Variants in SMARCC2 observed in about 807,000 individuals in gnomAD.
SMARCC2 encodes SWI/SNF complex subunit SMARCC2.
SMARCC2 carries 15 observed loss-of-function variants against 151.3 expected under a neutral mutation model. The observed-to-expected ratio is 0.10, with a 90% CI of 0.07 to 0.15. The LOEUF is 0.15. Ranked by LOEUF, SMARCC2 falls within the 10% of genes least tolerant of loss-of-function variation. SMARCC2 has a pLI of 1.00. For missense variants in SMARCC2, 1,031 were observed against 1,599.7 expected (o/e 0.64, Z 6.06); for synonymous variants, 590 against 609.5 (o/e 0.97, Z 0.47).
At chr12:56,180,274 A>G (rs1484859852) in intron 11 of SMARCC2, among the ~76,000 whole-genome samples, 2 of 149,906 alleles carry the variant, frequency 1.3e-5, no homozygotes, top group African/African-American at 4.9e-5. Context: ...ACGCTCAGCT[A>G]ATTTTTTTGT....
At chr12:56,178,206 G>A in intron 14 of SMARCC2, 113 bp from the exon 15 acceptor site, 1 of 1,008,036 alleles carries the variant, frequency 9.9e-7, no homozygotes, top group Non-Finnish European at 1.5e-6. Context: ...AATTGCTGAA[G>A]TTAGAAGCTT....
intron 11 of SMARCC2, among the ~76,000 whole-genome samples, chr12:56,180,266 G>A (rs1262645112): frequency 1.3e-5 from 2 of 150,912 alleles, no homozygotes. Context: ...CCGCCACCAC[G>A]CTCAGCTAAT....
At chr12:56,182,103 A>G (rs752497741) in intron 7 of SMARCC2, 24 bp from the exon 8 acceptor site, 48 of 1,546,352 alleles carry the variant, frequency 3.1e-5, no homozygotes, top group Middle Eastern at 1.7e-4. Flanking sequence ...TTGAGCACAC[A>G]GTAGAATCAA....
At chr12:56,172,364 G>A in intron 20 of SMARCC2, 64 bp downstream of exon 20, 1 of 1,425,076 alleles carries the variant, frequency 7.0e-7, no homozygotes, top group South Asian at 1.4e-5. Context: ...TTACAGGCGT[G>A]AGCCTCTACA....
chr12:56,187,785 T>C (rs1432419902), intron 1 of SMARCC2, among the ~76,000 whole-genome samples: 1 of 152,184 alleles, frequency 6.6e-6, no homozygotes, highest in African/African-American at 2.4e-5. Context: ...GAGGGCAAGT[T>C]GACTGAGTGA....
chr12:56,185,996 T>C (rs930123265), intron 3 of SMARCC2, 159 bp downstream of exon 3: 4 of 631,824 alleles, frequency 6.3e-6, no homozygotes, highest in East Asian at 2.6e-5. Context: ...CTGTTTTGGC[T>C]CTGACTCCCA....
chr12:56,166,318 T>A (rs988708013), intron 26 of SMARCC2, among the ~76,000 whole-genome samples: 1 of 151,990 alleles, frequency 6.6e-6, no homozygotes, highest in Non-Finnish European at 1.5e-5. Flanking sequence ...ATTTTTTGTA[T>A]TTTTTTATTC....
chr12:56,172,840 G>A, intron 18 of SMARCC2, 97 bp downstream of exon 18: 1 of 1,558,768 alleles, frequency 6.4e-7, no homozygotes, highest in Non-Finnish European at 8.8e-7. Flanking sequence ...CTCCCTTACT[G>A]CTGTAGTTCC....
intron 28 of SMARCC2, 82 bp downstream of exon 28, chr12:56,164,221 A>G: frequency 7.9e-7 from 1 of 1,260,268 alleles, no homozygotes; most frequent in South Asian, 1.3e-5. Flanking sequence ...CTAATACCTG[A>G]CCTCTTCCCC....
At chr12:56,169,449 G>T in intron 25 of SMARCC2, 80 bp downstream of exon 25, 1 of 1,493,856 alleles carries the variant, frequency 6.7e-7, no homozygotes, top group Non-Finnish European at 9.1e-7. Context: ...AGGTGTGAGT[G>T]AGGAAAGATT....
chr12:56,185,936 C>G lies in SMARCC2; in HGVS notation c.317+219G>C, dbSNP rs539991831. ...GTTTGAGATGCCAACCTAAGAATCC[C>G]TTTTCCTCTACAAAACACACAGTGA... is the stretch of plus-strand genomic sequence containing the variant. On this transcript the variant is annotated intron_variant, in intron 3 of 28. Coordinates refer to ENST00000550164, the MANE Select transcript of SMARCC2 (RefSeq NM_001330288.2). The G allele has an allele frequency of 4.2e-5, 23 of 541,182 alleles. 1 individual carries two copies. The highest frequency in any genetic ancestry group is 4.8e-4 in the Middle Eastern group (1 of 2,062). 33.5% of individuals were successfully genotyped at this position (541,182 alleles called of 1,614,324 possible). A position where few individuals can be genotyped will look rare whatever the true frequency, so the allele number is the denominator to read the frequency against.
In SMARCC2 at chr12:56,184,850, T is replaced by C. The variant is rs760319246; in HGVS notation, c.486A>G (p.Arg162=). 1 of 1,597,196 alleles carries C rather than the reference T, an allele frequency of 6.3e-7. No homozygotes were observed. Among genetic ancestry groups the C allele is most frequent in the South Asian group, 1.1e-5 (1 of 90,718 alleles). ...LLGKLKDIIK[R]HQGTVTEDKN... Reference sequence around the variant, plus strand: ...TCCTCACCAGACCATTTACCTGGTGTCTCTTGATAATGTCCTTTAATTTCC... The same window carrying C: ...TCCTCACCAGACCATTTACCTGGTGCCTCTTGATAATGTCCTTTAATTTCC... Residue 162 remains arginine (R), a synonymous_variant, in exon 5 of 29, where the codon AGA becomes AGG. Coordinates refer to ENST00000550164, the MANE Select transcript of SMARCC2 (RefSeq NM_001330288.2).
intron 25 of SMARCC2, 129 bp downstream of exon 25, chr12:56,169,400 T>G: frequency 4.2e-5 from 49 of 1,176,580 alleles, no homozygotes; most frequent in Non-Finnish European, 4.9e-5. Context: ...TACCTCCTCC[T>G]GAGATAAAAA....
intron 15 of SMARCC2, among the ~76,000 whole-genome samples, chr12:56,177,392 G>A (rs1453000975): frequency 3.9e-5 from 6 of 152,128 alleles, no homozygotes; most frequent in Non-Finnish European, 8.8e-5. Context: ...CCACAGGTAT[G>A]CCCCACCAGG....
intron 26 of SMARCC2, 131 bp downstream of exon 26, chr12:56,167,929 T>C: frequency 9.7e-7 from 1 of 1,031,166 alleles, no homozygotes; most frequent in Non-Finnish European, 1.4e-6. Context: ...TTCCCCACTG[T>C]TGCTTATCTC....
chr12:56,163,662 G>C lies in SMARCC2; in HGVS notation c.*27C>G. ...TGGAACCGTGATGTCCACAGGGGGT[G>C]AGGGGGAGAGATGTCTGGCTGGCTC... On this transcript the variant is annotated 3_prime_UTR_variant, in exon 29 of 29. Transcript: ENST00000550164. 7.2e-7 allele frequency: 1 copy of C among 1,392,868 alleles called. No homozygotes were observed. The highest frequency in any genetic ancestry group is 9.6e-7 in the Non-Finnish European group (1 of 1,040,142). 86.3% of individuals were successfully genotyped at this position (1,392,868 alleles called of 1,614,324 possible).
chr12:56,168,979 CA>C lies in SMARCC2; in HGVS notation c.2715+549del, dbSNP rs528586995. ...TGGGCAACAGAGTGAGACTCCATCT[CA>C]AAAAATACATAAATAAATAAACAAG... On this transcript the variant is annotated intron_variant, in intron 25 of 28. Coordinates refer to ENST00000550164, the MANE Select transcript of SMARCC2 (RefSeq NM_001330288.2). 3.3e-3 allele frequency among the ~76,000 whole-genome samples: 504 copies of C among 150,616 alleles called. 5 individuals are homozygous for C. Among genetic ancestry groups the C allele is most frequent in the African/African-American group, 0.012 (486 of 40,930 alleles).
At position 56,169,920 on chromosome 12, in the gene SMARCC2, C is replaced by G. The variant is rs1294662681; in HGVS notation, c.2413-9G>C. ...CCTCCTTCTCGGGGTTCCTGAAATT[C>G]CAGTGATAGAAAAGGAGAGTTATCA... On this transcript the variant is annotated splice_polypyrimidine_tract_variant and intron_variant, in intron 23 of 28. Coordinates refer to ENST00000550164, the MANE Select transcript of SMARCC2 (RefSeq NM_001330288.2). The G allele has an allele frequency of 8.1e-6, 13 of 1,612,838 alleles. No individual in the cohort carries two copies. Among genetic ancestry groups the G allele is most frequent in the Non-Finnish European group, 1.0e-5 (12 of 1,179,608 alleles).
At chr12:56,187,850 A>C (rs749196939) in intron 1 of SMARCC2, among the ~76,000 whole-genome samples, 2 of 152,134 alleles carry the variant, frequency 1.3e-5, no homozygotes, top group Non-Finnish European at 2.9e-5. Context: ...AGGCCCTCCT[A>C]GACAGGAAGG....
Sources: gnomAD v4.1 joint callset for allele counts (sites outside exome capture counted in the v4.1 genomes callset) on GRCh38, gnomAD v4.1.1 for gene constraint, MANE v1.5 for transcripts, NCBI Gene and HGNC (gene_info 2026-07-23, HGNC 2026-07-21) for gene names.